The following PDGFC variants were observed in gnomAD, a reference collection of about 807,000 sequenced individuals.
PDGFC encodes platelet derived growth factor C, also known as platelet-derived growth factor C.
PDGFC carries 12 observed loss-of-function variants against 35.5 expected under a neutral mutation model. The observed-to-expected ratio is 0.34, with a 90% CI of 0.22 to 0.55. PDGFC has a LOEUF of 0.55. Among genes scored for constraint, PDGFC ranks in the 20% least tolerant of loss-of-function variants. The pLI is 0.91. For missense variants in PDGFC, 322 were observed against 412.4 expected (o/e 0.78, Z 1.90); for synonymous variants, 159 against 148.8 (o/e 1.07, Z -0.50).
At chr4:156,832,478 A>AACTCCTGACCTCGT (rs1728968172) in intron 2 of PDGFC, among the ~76,000 whole-genome samples, 2 of 151,860 alleles carry the variant, frequency 1.3e-5, no homozygotes, top group African/African-American at 4.8e-5. Flanking sequence ...GCTGGCCTCG[A>AACTCCTGACCTCGT]ACTCCTGACC....
intron 1 of PDGFC, among the ~76,000 whole-genome samples, chr4:156,884,770 C>A (rs1236911531): frequency 6.6e-6 from 1 of 152,088 alleles, no homozygotes; most frequent in Non-Finnish European, 1.5e-5. Context: ...TACACTGATA[C>A]CACATATACA....
chr4:156,838,938 G>T (rs113833846), intron 2 of PDGFC, among the ~76,000 whole-genome samples: 1 of 152,134 alleles, frequency 6.6e-6, no homozygotes. Context: ...TGGGACCAGG[G>T]GGCCAATGCT....
intron 1 of PDGFC, among the ~76,000 whole-genome samples, chr4:156,931,149 A>G (rs1731540961): frequency 6.6e-6 from 1 of 152,236 alleles, no homozygotes; most frequent in African/African-American, 2.4e-5. Flanking sequence ...AAGGCGTGAC[A>G]GCCTCAGAAT....
At chr4:156,833,595 T>C (rs1308429731) in intron 2 of PDGFC, among the ~76,000 whole-genome samples, 1 of 152,222 alleles carries the variant, frequency 6.6e-6, no homozygotes, top group Non-Finnish European at 1.5e-5. Flanking sequence ...CAAGGTGTTA[T>C]TTTTATTTAG....
At chr4:156,868,691 G>C (rs144553011) in intron 1 of PDGFC, among the ~76,000 whole-genome samples, 1 of 152,274 alleles carries the variant, frequency 6.6e-6, no homozygotes, top group East Asian at 1.9e-4. Flanking sequence ...CCACCTGCTA[G>C]TTCTTAATTG....
intron 3 of PDGFC, among the ~76,000 whole-genome samples, chr4:156,796,269 A>G (rs1731438204): frequency 6.6e-6 from 1 of 152,076 alleles, no homozygotes; most frequent in South Asian, 2.1e-4. Context: ...CTATGCACTA[A>G]TCAAACATTT....
intron 1 of PDGFC, among the ~76,000 whole-genome samples, chr4:156,860,372 A>C (rs1014976140): frequency 1.3e-5 from 2 of 152,096 alleles, no homozygotes; most frequent in African/African-American, 4.8e-5. Flanking sequence ...GGCTGCATTC[A>C]CGACCTTCGA....
chr4:156,773,198 C>T (rs1368882343), intron 3 of PDGFC, among the ~76,000 whole-genome samples: 2 of 152,108 alleles, frequency 1.3e-5, no homozygotes, highest in African/African-American at 4.8e-5. Flanking sequence ...AGAATGAAAA[C>T]TATAATACAG....
At chr4:156,896,768 G>A (rs1165898751) in intron 1 of PDGFC, among the ~76,000 whole-genome samples, 1 of 152,160 alleles carries the variant, frequency 6.6e-6, no homozygotes, top group African/African-American at 2.4e-5. Context: ...AAGTTATTCA[G>A]CCATTCAGGC....
intron 3 of PDGFC, among the ~76,000 whole-genome samples, chr4:156,791,894 T>C (rs763009281): frequency 6.6e-6 from 1 of 152,206 alleles, no homozygotes; most frequent in Non-Finnish European, 1.5e-5. Context: ...GTTAACACCT[T>C]GCCTAGGATT....
At chr4:156,916,972 G>A (rs985928349) in intron 1 of PDGFC, among the ~76,000 whole-genome samples, 2 of 152,128 alleles carry the variant, frequency 1.3e-5, no homozygotes, top group African/African-American at 2.4e-5. Flanking sequence ...AAAGCCACAG[G>A]TTCTGTGAAC....
At chr4:156,765,690 G>C (rs1730504650) in intron 5 of PDGFC, among the ~76,000 whole-genome samples, 1 of 152,142 alleles carries the variant, frequency 6.6e-6, no homozygotes, top group Non-Finnish European at 1.5e-5. Context: ...AGTAAGAACA[G>C]AGAAAAAGGA....
At position 156,831,027 on chromosome 4, in the gene PDGFC, G is replaced by A. The variant is rs557815369; in HGVS notation, c.314+19194C>T. Among the ~76,000 whole-genome samples, 69 of 152,192 alleles carry A rather than the reference G, an allele frequency of 4.5e-4. 1 individual carries two copies. The South Asian group carries it at 0.014, about 31-fold the overall frequency. ...ATTCAATGCTTTCCAGAGGCCAGGG[G>A]CCCATCTAATAATCTTTGTATCCCC... is the stretch of plus-strand genomic sequence containing the variant. On this transcript the variant is annotated intron_variant, in intron 2 of 5. Transcript: ENST00000502773.
intron 1 of PDGFC, among the ~76,000 whole-genome samples, chr4:156,958,335 AG>A (rs1732258384): frequency 6.6e-6 from 1 of 151,528 alleles, no homozygotes; most frequent in Non-Finnish European, 1.5e-5. Context: ...AAAAAAAAAA[AG>A]GAACTAGCAA....
intron 1 of PDGFC, among the ~76,000 whole-genome samples, chr4:156,962,301 A>G (rs780762509): frequency 5.3e-5 from 8 of 152,102 alleles, no homozygotes; most frequent in Non-Finnish European, 1.2e-4. Flanking sequence ...CCCTCAGCCT[A>G]GGATCCTTCC....
At chr4:156,846,560 T>G (rs372262846) in intron 2 of PDGFC, among the ~76,000 whole-genome samples, 1 of 151,490 alleles carries the variant, frequency 6.6e-6, no homozygotes, top group Admixed American at 6.6e-5. Flanking sequence ...AATAACCAAA[T>G]GCAATTATAA....
intron 2 of PDGFC, among the ~76,000 whole-genome samples, chr4:156,814,820 A>G (rs920479015): frequency 1.3e-5 from 2 of 152,188 alleles, no homozygotes; most frequent in Admixed American, 1.3e-4. Flanking sequence ...ATTAAGAAAC[A>G]AAAATATCTT....
intron 1 of PDGFC, among the ~76,000 whole-genome samples, chr4:156,928,339 C>T (rs1332920887): frequency 6.6e-6 from 1 of 152,162 alleles, no homozygotes; most frequent in African/African-American, 2.4e-5. Flanking sequence ...GATCCTCCCA[C>T]CCCAGCCTTG....
intron 3 of PDGFC, among the ~76,000 whole-genome samples, chr4:156,779,930 G>C (rs959050662): frequency 1.3e-5 from 2 of 152,138 alleles, no homozygotes; most frequent in South Asian, 2.1e-4. Context: ...CTCCACCACA[G>C]AGCAGGCTCA....
Sources: allele counts gnomAD v4.1 joint callset (sites outside exome capture counted in the v4.1 genomes callset), GRCh38; gene constraint gnomAD v4.1.1; transcripts MANE v1.5; gene names NCBI Gene and HGNC (gene_info 2026-07-23, HGNC 2026-07-21).